ZNF385D: variants seen among roughly 807,000 people sequenced by gnomAD.
ZNF385D encodes the protein zinc finger protein 659.
In ZNF385D, 15 loss-of-function variants were observed where a neutral mutation model predicts 35.8. The ratio of observed to expected loss-of-function variants is 0.42; its 90% CI spans 0.28 to 0.64. The LOEUF (loss-of-function observed/expected upper bound fraction) is 0.64, where lower values mean the gene tolerates loss of function less well. Ranked by LOEUF, ZNF385D falls within the 30% of genes least tolerant of loss-of-function variation. The pLI, the probability that ZNF385D is intolerant of heterozygous loss-of-function variation, is 0.23. For missense variants in ZNF385D, 474 were observed against 494.6 expected, an observed-to-expected ratio of 0.96 and a Z score of 0.39; for synonymous variants, 212 against 186.8, an observed-to-expected ratio of 1.13 and a Z score of -1.10.
intron 2 of ZNF385D, among the ~76,000 whole-genome samples, chr3:22,259,024 GT>G (rs35055085): frequency 0.32 from 47,808 of 151,450 alleles, 7,712 homozygotes; most frequent in Non-Finnish European, 0.34. Flanking sequence ...TTGACATGTG[GT>G]AATTTTGTAA....
At chr3:21,940,329 G>C (rs1188085389) in intron 3 of ZNF385D, among the ~76,000 whole-genome samples, 1 of 152,102 alleles carries the variant, frequency 6.6e-6, no homozygotes, top group African/African-American at 2.4e-5. Context: ...CCCATTTAGT[G>C]GCAAGTTGCT....
intron 3 of ZNF385D, among the ~76,000 whole-genome samples, chr3:22,001,430 A>T (rs1434202288): frequency 6.6e-6 from 1 of 152,158 alleles, no homozygotes; most frequent in African/African-American, 2.4e-5. Context: ...TTCATCAAGA[A>T]GATATAACAA....
chr3:21,568,226 A>G (rs565757266), intron 2 of ZNF385D, among the ~76,000 whole-genome samples: 2 of 152,128 alleles, frequency 1.3e-5, no homozygotes, highest in African/African-American at 2.4e-5. Context: ...ACCATTTACA[A>G]TGAGGAATTA....
At chr3:21,775,009 C>T (rs889905547) in intron 3 of ZNF385D, among the ~76,000 whole-genome samples, 3 of 151,748 alleles carry the variant, frequency 2.0e-5, no homozygotes, top group African/African-American at 4.8e-5. Flanking sequence ...TTAAAATACT[C>T]CCACCAACAC....
chr3:21,968,246 T>C lies in ZNF385D; in HGVS notation c.325+200571A>G, dbSNP rs79382328. ...GCCGTAGCCAGAGGAAAATTAACCA[T>C]CTCAGCAGTCTGAATATGAGTTTTG... On this transcript the variant is annotated intron_variant, in intron 3 of 5. Transcript: ENST00000494108. 4.8e-3 allele frequency among the ~76,000 whole-genome samples: 726 copies of C among 152,150 alleles called. 2 individuals are homozygous for C. Among genetic ancestry groups the C allele is most frequent in the Non-Finnish European group, 8.4e-3 (570 of 67,988 alleles).
chr3:21,958,663 A>G (rs112472550), intron 3 of ZNF385D, among the ~76,000 whole-genome samples: 6 of 152,156 alleles, frequency 3.9e-5, no homozygotes, highest in South Asian at 2.1e-4. Flanking sequence ...GCCAAATTCT[A>G]TTATAACTGC....
In ZNF385D at chr3:21,621,865, CTGTGTGTGTGTGTG is replaced by C. The variant is rs10580512; in HGVS notation, c.165+43007_165+43020del. Among the ~76,000 whole-genome samples, 19 of 146,248 alleles carry C rather than the reference CTGTGTGTGTGTGTG, an allele frequency of 1.3e-4. No homozygotes were observed. The East Asian group carries it at 1.5e-3, about 11-fold the overall frequency. Reference sequence around the variant, plus strand: ...AAGTGTTCCTTCCAACCTGTTACCACTGTGTGTGTGTGTGTGTGTGTGTGTGTGTGCGTGCACGC... The same window carrying C: ...AAGTGTTCCTTCCAACCTGTTACCACTGTGTGTGTGTGTGTGCGTGCACGC... On this transcript the variant is annotated intron_variant, in intron 2 of 7. Transcript: ENST00000281523.
At chr3:21,795,392 T>G (rs2125671814) in intron 3 of ZNF385D, among the ~76,000 whole-genome samples, 1 of 152,356 alleles carries the variant, frequency 6.6e-6, no homozygotes, top group Middle Eastern at 3.4e-3. Context: ...TGCCAGACAC[T>G]TGGCTGAGGG....
At chr3:22,207,637 A>G (rs1697242661) in intron 2 of ZNF385D, among the ~76,000 whole-genome samples, 1 of 152,038 alleles carries the variant, frequency 6.6e-6, no homozygotes, top group Admixed American at 6.6e-5. Context: ...TGAAACAATC[A>G]ACAAAGTGAA....
At chr3:21,464,450 T>C (rs1042264313) in intron 4 of ZNF385D, among the ~76,000 whole-genome samples, 2 of 152,176 alleles carry the variant, frequency 1.3e-5, no homozygotes, top group African/African-American at 4.8e-5. Flanking sequence ...TCTTCCTTTT[T>C]TTCCTCTCAT....
intron 3 of ZNF385D, among the ~76,000 whole-genome samples, chr3:22,083,964 T>A (rs536006781): frequency 2.6e-5 from 4 of 152,286 alleles, no homozygotes; most frequent in Admixed American, 6.5e-5. Flanking sequence ...AACCCATAAT[T>A]TCATATCCAG....
At chr3:21,796,115 T>C (rs538493161) in intron 3 of ZNF385D, among the ~76,000 whole-genome samples, 1 of 152,312 alleles carries the variant, frequency 6.6e-6, no homozygotes, top group East Asian at 1.9e-4. Flanking sequence ...TTTATTTTTT[T>C]TGTAATCAAG....
intron 2 of ZNF385D, among the ~76,000 whole-genome samples, chr3:22,224,244 G>T (rs1203053325): frequency 6.6e-6 from 1 of 152,134 alleles, no homozygotes. Flanking sequence ...CATGAAAAGA[G>T]ATATAATTAA....
chr3:21,617,229 C>CA (rs1255293480), intron 2 of ZNF385D, among the ~76,000 whole-genome samples: 2 of 152,208 alleles, frequency 1.3e-5, no homozygotes, highest in Non-Finnish European at 2.9e-5. Flanking sequence ...CAAGGTCTCT[C>CA]AGCTCTCATG....
At chr3:22,301,215 T>C (rs1034347829) in intron 2 of ZNF385D, among the ~76,000 whole-genome samples, 27 of 151,988 alleles carry the variant, frequency 1.8e-4, no homozygotes, top group African/African-American at 6.3e-4. Flanking sequence ...CACTTATATA[T>C]GGAATCTTAA....
At chr3:21,997,534 C>T (rs1695544137) in intron 3 of ZNF385D, among the ~76,000 whole-genome samples, 1 of 149,350 alleles carries the variant, frequency 6.7e-6, no homozygotes, top group Non-Finnish European at 1.5e-5. Context: ...AATCTACTTT[C>T]TTTAAATGTA....
chr3:21,715,450 T>C (rs903701542), intron 1 of ZNF385D, among the ~76,000 whole-genome samples: 3 of 152,202 alleles, frequency 2.0e-5, no homozygotes, highest in Non-Finnish European at 4.4e-5. Context: ...AATGGCTGAA[T>C]AGTATTCCAT....
intron 1 of ZNF385D, among the ~76,000 whole-genome samples, chr3:21,741,643 T>A (rs76749816): frequency 1.4e-5 from 2 of 143,474 alleles, no homozygotes; most frequent in Non-Finnish European, 3.1e-5. Context: ...TTTTTTTTTT[T>A]AAATAGTAGG....
chr3:21,874,988 C>CT lies in ZNF385D; in HGVS notation c.326-209961dup, dbSNP rs34505652. ...CATAAGTATTTTATTATTTTGATGC[C>CT]TTTTTTTATTTTGATGTTATTTAAA... On this transcript the variant is annotated intron_variant, in intron 3 of 5. Coordinates refer to the ZNF385D transcript ENST00000494108. Among the ~76,000 whole-genome samples, 299 of 151,656 alleles carry CT rather than the reference C, an allele frequency of 2.0e-3. 4 individuals are homozygous for CT. Among genetic ancestry groups the CT allele is most frequent in the African/African-American group, 6.9e-3 (287 of 41,418 alleles).
Sources: allele counts gnomAD v4.1 joint callset (sites outside exome capture counted in the v4.1 genomes callset), GRCh38; gene constraint gnomAD v4.1.1; transcripts MANE v1.5; gene names NCBI Gene and HGNC (gene_info 2026-07-23, HGNC 2026-07-21).